Variants in TSHZ2 observed in about 807,000 individuals in gnomAD.
The protein encoded by TSHZ2 is teashirt homolog 2.
In TSHZ2, 21 loss-of-function variants were observed where a neutral mutation model predicts 74.4. The ratio of observed to expected loss-of-function variants is 0.28; its 90% CI spans 0.20 to 0.41. TSHZ2 has a LOEUF of 0.41. Among genes scored for constraint, TSHZ2 ranks in the 10% least tolerant of loss-of-function variants. The probability of loss-of-function intolerance (pLI) is 1.00; values close to 1 mark genes in which losing one functional copy is unlikely to be tolerated. For missense variants in TSHZ2, 1,244 were observed against 1,293.5 expected (o/e 0.96, Z 0.59); for synonymous variants, 540 against 515.3 (o/e 1.05, Z -0.65).
chr20:53,160,745 CAAAAAAA>C (rs10653039), intron 1 of TSHZ2, among the ~76,000 whole-genome samples: 18 of 95,850 alleles, frequency 1.9e-4, no homozygotes, highest in Non-Finnish European at 6.2e-5. Context: ...ACTCTGTCTC[CAAAAAAA>C]AAAAAAAAAA....
chr20:53,471,803 CTTTT>C (rs58027394), intron 2 of TSHZ2, among the ~76,000 whole-genome samples: 2 of 87,278 alleles, frequency 2.3e-5, no homozygotes, highest in Non-Finnish European at 4.5e-5. Flanking sequence ...CTTTTCTTTT[CTTTT>C]TTTTTTTTTT....
rs144453571 is a variant in TSHZ2 at position 52,995,874 on chromosome 20, G to A, written c.40+22541G>A. 6.6e-3 allele frequency among the ~76,000 whole-genome samples: 1,003 copies of A among 151,762 alleles called. 7 individuals carry two copies. The highest frequency in any genetic ancestry group is 0.031 in the Middle Eastern group (9 of 292). ...TGACCTCAGGTAATCCACCCACCTC[G>A]GCCTCCCAAAGTGCTAGGATTAAAG... On this transcript the variant is annotated intron_variant, in intron 1 of 2. Transcript: ENST00000371497.
intron 1 of TSHZ2, among the ~76,000 whole-genome samples, chr20:53,216,411 G>A (rs191259971): frequency 1.1e-4 from 17 of 152,326 alleles, no homozygotes; most frequent in Admixed American, 3.3e-4. Flanking sequence ...AGTCAAGGAC[G>A]TGAACATACA....
At chr20:53,030,264 G>A (rs1983587413) in intron 1 of TSHZ2, among the ~76,000 whole-genome samples, 1 of 151,552 alleles carries the variant, frequency 6.6e-6, no homozygotes, top group Non-Finnish European at 1.5e-5. Flanking sequence ...CCTGGTGGTT[G>A]ATTTTTGCTG....
chr20:53,402,556 C>T (rs1982706300), intron 2 of TSHZ2, among the ~76,000 whole-genome samples: 1 of 151,972 alleles, frequency 6.6e-6, no homozygotes, highest in Non-Finnish European at 1.5e-5. Flanking sequence ...AAATGTATCC[C>T]CATGGTTTAG....
intron 1 of TSHZ2, among the ~76,000 whole-genome samples, chr20:53,244,197 G>A (rs1990145106): frequency 6.6e-6 from 1 of 151,880 alleles, no homozygotes; most frequent in Non-Finnish European, 1.5e-5. Flanking sequence ...ATGATTCACT[G>A]TCCCTTTACT....
At chr20:53,317,444 G>A (rs561822460) in intron 2 of TSHZ2, among the ~76,000 whole-genome samples, 77 of 152,196 alleles carry the variant, frequency 5.1e-4, no homozygotes, top group Middle Eastern at 3.2e-3. Context: ...GTGGGCTGCA[G>A]TGGAAAGGCT....
intron 1 of TSHZ2, among the ~76,000 whole-genome samples, chr20:53,138,164 T>C (rs558767825): frequency 2.0e-4 from 31 of 152,132 alleles, no homozygotes; most frequent in South Asian, 6.2e-4. Context: ...GGGCAGATCA[T>C]GAGGTCAGGA....
chr20:52,982,330 C>T (rs1011669041), intron 1 of TSHZ2, among the ~76,000 whole-genome samples: 1 of 152,074 alleles, frequency 6.6e-6, no homozygotes, highest in East Asian at 1.9e-4. Flanking sequence ...TAGCGAGTTG[C>T]CAGGAAGGAC....
At chr20:53,368,613 C>T (rs957956978) in intron 2 of TSHZ2, among the ~76,000 whole-genome samples, 1 of 152,130 alleles carries the variant, frequency 6.6e-6, no homozygotes, top group African/African-American at 2.4e-5. Context: ...ACCTGGCCCC[C>T]ATGATAATTT....
chr20:53,400,550 C>A (rs1001706668), intron 2 of TSHZ2: 4 of 152,184 alleles, frequency 2.6e-5, no homozygotes, highest in Non-Finnish European at 5.9e-5. Flanking sequence ...GCCCATAAGG[C>A]GAAGTTACTC....
intron 1 of TSHZ2, among the ~76,000 whole-genome samples, chr20:52,974,635 G>C (rs1240495715): frequency 6.6e-6 from 1 of 152,164 alleles, no homozygotes; most frequent in African/African-American, 2.4e-5. Flanking sequence ...GAAGTTTGGT[G>C]GAACACTTTC....
intron 1 of TSHZ2, among the ~76,000 whole-genome samples, chr20:53,228,555 G>T (rs1989741967): frequency 6.6e-6 from 1 of 152,172 alleles, no homozygotes; most frequent in African/African-American, 2.4e-5. Flanking sequence ...CATTTTGGGA[G>T]GCTTAGCAGC....
At chr20:53,275,999 CA>C (rs1990938801) in intron 2 of TSHZ2, among the ~76,000 whole-genome samples, 1 of 152,208 alleles carries the variant, frequency 6.6e-6, no homozygotes, top group African/African-American at 2.4e-5. Flanking sequence ...CTCTTATTTA[CA>C]ATTCACTGCA....
In TSHZ2 at chr20:53,203,240, G is replaced by C. The variant is rs560725703; in HGVS notation, c.41-50259G>C. ...GACGGAGTCTCACTCTGTTGCCCAG[G>C]CTGGAGTGCAGTGGCACGATCTCGG... On this transcript the variant is annotated intron_variant, in intron 1 of 2. Coordinates refer to ENST00000371497, the MANE Select transcript of TSHZ2 (RefSeq NM_173485.6). Among the ~76,000 whole-genome samples the C allele has an allele frequency of 1.9e-4, 29 of 149,936 alleles. 2 individuals are homozygous for C. Among genetic ancestry groups the C allele is most frequent in the African/African-American group, 7.2e-4 (29 of 40,436 alleles).
chr20:53,445,269 A>G (rs1459542423), intron 2 of TSHZ2, among the ~76,000 whole-genome samples: 1 of 152,204 alleles, frequency 6.6e-6, no homozygotes, highest in Non-Finnish European at 1.5e-5. Flanking sequence ...CCTTCCACTT[A>G]TTTATGCTTT....
At chr20:53,110,075 G>A (rs144984714) in intron 1 of TSHZ2, among the ~76,000 whole-genome samples, 15 of 152,176 alleles carry the variant, frequency 9.9e-5, no homozygotes, top group Admixed American at 4.6e-4. Context: ...AAATCAGGGC[G>A]TTTCAGCATG....
intron 1 of TSHZ2, among the ~76,000 whole-genome samples, chr20:53,135,559 C>T (rs1352718813): frequency 2.0e-5 from 3 of 152,070 alleles, no homozygotes; most frequent in African/African-American, 7.2e-5. Flanking sequence ...GTGGAGATTT[C>T]CTATGGTGCT....
chr20:53,190,237 G>C (rs1568803633), intron 1 of TSHZ2, among the ~76,000 whole-genome samples: 1 of 149,340 alleles, frequency 6.7e-6, no homozygotes, highest in Admixed American at 6.7e-5. Context: ...ATTAAAATAA[G>C]GATGAGAATA....
Sources: gnomAD v4.1 joint callset for allele counts (sites outside exome capture counted in the v4.1 genomes callset) on GRCh38, gnomAD v4.1.1 for gene constraint, MANE v1.5 for transcripts, NCBI Gene and HGNC (gene_info 2026-07-23, HGNC 2026-07-21) for gene names.